The following RYR2 variants were observed in gnomAD, a reference collection of about 807,000 sequenced individuals.
RYR2 encodes cardiac muscle ryanodine receptor-calcium release channel.
In RYR2, 227 loss-of-function variants were observed where a neutral mutation model predicts 601.1. The ratio of observed to expected loss-of-function variants is 0.38; its 90% CI spans 0.34 to 0.42. The LOEUF (loss-of-function observed/expected upper bound fraction) is 0.42. Ranked by LOEUF, RYR2 falls within the 10% of genes least tolerant of loss-of-function variation. RYR2 has a pLI of 1.00. For missense variants in RYR2, 4,646 were observed against 6,156.5 expected, an observed-to-expected ratio of 0.75 and a Z score of 8.21; for synonymous variants, 2,223 against 2,175.1, an observed-to-expected ratio of 1.02 and a Z score of -0.61.
intron 3 of RYR2, among the ~76,000 whole-genome samples, chr1:237,341,219 T>A (rs1697739991): frequency 6.6e-6 from 1 of 152,168 alleles, no homozygotes; most frequent in Non-Finnish European, 1.5e-5. Context: ...ATAGAAAAAA[T>A]TTTCATTTGT....
chr1:237,452,095 G>GTGTGTGTA (rs1658229777), intron 14 of RYR2, among the ~76,000 whole-genome samples: 1 of 147,108 alleles, frequency 6.8e-6, no homozygotes, highest in Non-Finnish European at 1.5e-5. Flanking sequence ...GTGTGTGTGT[G>GTGTGTGTA]TGTGTGTGTG....
At chr1:237,263,713 G>A (rs1021007917) in intron 1 of RYR2, among the ~76,000 whole-genome samples, 2 of 152,088 alleles carry the variant, frequency 1.3e-5, no homozygotes, top group Admixed American at 1.3e-4. Flanking sequence ...CCCTTGCTGG[G>A]ATCAAATTGG....
chr1:237,809,082 T>C (rs1660975241), intron 100 of RYR2, 47 bp downstream of exon 100: 2 of 1,528,946 alleles, frequency 1.3e-6, no homozygotes, highest in African/African-American at 2.7e-5. Flanking sequence ...TGTCTCCTGC[T>C]TCTGCAGTCT....
In RYR2 at chr1:237,485,127, TC is replaced by T. The variant is rs373496193; in HGVS notation, c.1709-6676del. 4.2e-3 allele frequency among the ~76,000 whole-genome samples: 638 copies of T among 152,236 alleles called. 8 individuals carry two copies. The highest frequency in any genetic ancestry group is 0.014 in the African/African-American group (598 of 41,526). On this transcript the variant is annotated intron_variant, in intron 17 of 104. Transcript: ENST00000366574. ...AATCCTAGCACTAAGAAATATAAAT[TC>T]CCTATGTTGTGTCCTCTGTCTTTTC...
intron 2 of RYR2, among the ~76,000 whole-genome samples, chr1:237,291,497 A>T (rs1399666001): frequency 2.0e-5 from 3 of 152,222 alleles, no homozygotes; most frequent in Non-Finnish European, 4.4e-5. Context: ...ATGTTTATAG[A>T]ACCTTGTTTA....
At chr1:237,524,286 G>A (rs1051318886) in intron 24 of RYR2, among the ~76,000 whole-genome samples, 1 of 152,186 alleles carries the variant, frequency 6.6e-6, no homozygotes, top group Non-Finnish European at 1.5e-5. Flanking sequence ...CTTTATGCCA[G>A]GTGGAAGGAG....
intron 51 of RYR2, among the ~76,000 whole-genome samples, chr1:237,653,380 T>C (rs567966453): frequency 2.0e-5 from 3 of 152,342 alleles, no homozygotes; most frequent in African/African-American, 7.2e-5. Flanking sequence ...CCCTTCATTT[T>C]ACACACAGAT....
chr1:237,163,138 C>A (rs190304440), intron 1 of RYR2, among the ~76,000 whole-genome samples: 2 of 152,180 alleles, frequency 1.3e-5, no homozygotes, highest in Non-Finnish European at 2.9e-5. Flanking sequence ...ACAACCACTC[C>A]GGTCAAACCT....
chr1:237,389,961 A>T (rs912046376), intron 10 of RYR2, among the ~76,000 whole-genome samples: 7 of 152,186 alleles, frequency 4.6e-5, no homozygotes, highest in African/African-American at 1.7e-4. Flanking sequence ...AAGGCTGTAA[A>T]GACCTGGAAT....
At chr1:237,110,272 T>C (rs942073529) in intron 1 of RYR2, among the ~76,000 whole-genome samples, 2 of 152,040 alleles carry the variant, frequency 1.3e-5, no homozygotes, top group Non-Finnish European at 2.9e-5. Context: ...TGGGCATTTT[T>C]TTTTTCTTTT....
chr1:237,625,752 T>C lies in RYR2; in HGVS notation c.6114T>C (p.Tyr2038=), dbSNP rs1451202406. 1.2e-6 allele frequency: 2 copies of C among 1,613,776 alleles called. No individual in the cohort carries two copies. The highest frequency in any genetic ancestry group is 2.7e-5 in the African/African-American group (2 of 74,994). The change falls in exon 40 of 105, where the codon TAT becomes TAC. Residue 2038 remains tyrosine, a synonymous_variant. Coordinates refer to ENST00000366574, the MANE Select transcript of RYR2 (RefSeq NM_001035.3). The part of the protein sequence containing the change: ...RLLSLVEKVT[Y]LKKKQAEKPV... ...TATCCCTGGTAGAAAAGGTGACATA[T>C]CTGAAGAAGAAGCAAGCAGAAAAAC...
intron 23 of RYR2, among the ~76,000 whole-genome samples, chr1:237,510,736 T>G (rs1558944229): frequency 6.6e-6 from 1 of 152,238 alleles, no homozygotes; most frequent in Non-Finnish European, 1.5e-5. Context: ...ATCTAGGTGC[T>G]GCCACGGCGT....
intron 79 of RYR2, among the ~76,000 whole-genome samples, chr1:237,736,618 G>C (rs760730667): frequency 6.6e-6 from 1 of 152,156 alleles, no homozygotes; most frequent in Non-Finnish European, 1.5e-5. Context: ...CTAAGTGTTT[G>C]ATGAAGTCTA....
intron 101 of RYR2, among the ~76,000 whole-genome samples, chr1:237,825,399 A>G (rs1258622269): frequency 2.6e-5 from 4 of 152,258 alleles, no homozygotes; most frequent in South Asian, 2.1e-4. Flanking sequence ...AACCTGACAA[A>G]AAGAAGCACT....
At chr1:237,699,832 G>T (rs535145947) in intron 64 of RYR2, among the ~76,000 whole-genome samples, 26 of 152,168 alleles carry the variant, frequency 1.7e-4, no homozygotes, top group Non-Finnish European at 3.4e-4. Context: ...TGTATCATTT[G>T]TTGAGTTGGT....
At chr1:237,162,141 ATCC>A (rs1357374817) in intron 1 of RYR2, among the ~76,000 whole-genome samples, 1 of 152,166 alleles carries the variant, frequency 6.6e-6, no homozygotes, top group Admixed American at 6.5e-5. Flanking sequence ...TATTCTGTTA[ATCC>A]TCTGCATCAT....
chr1:237,064,546 A>G (rs1268001469), intron 1 of RYR2, among the ~76,000 whole-genome samples: 1 of 152,114 alleles, frequency 6.6e-6, no homozygotes, highest in Non-Finnish European at 1.5e-5. Context: ...GTAAGAAAAG[A>G]TATAGAGGTT....
Position 237,079,755 on chromosome 1 carries a change from C to G in RYR2, c.48+37186C>G, listed in dbSNP as rs1466296086. Among the ~76,000 whole-genome samples the G allele has an allele frequency of 2.8e-5, 4 of 143,174 alleles. No homozygotes were observed. The East Asian group carries it at 7.8e-4, about 28-fold the overall frequency. 93.9% of individuals were successfully genotyped at this position (143,174 alleles called of 152,430 possible). A position where few individuals can be genotyped will look rare whatever the true frequency, so the allele number is the denominator to read the frequency against. On this transcript the variant is annotated intron_variant, in intron 1 of 104. Coordinates refer to ENST00000366574, the MANE Select transcript of RYR2 (RefSeq NM_001035.3). ...TCCCCATCAAGCTAGCAATGCCTTT[C>G]TTCACAGAATTGGAAAAAACTACTT...
At chr1:237,212,862 C>T (rs1001553697) in intron 1 of RYR2, among the ~76,000 whole-genome samples, 1 of 151,974 alleles carries the variant, frequency 6.6e-6, no homozygotes, top group Non-Finnish European at 1.5e-5. Flanking sequence ...GCAACCTCCG[C>T]CTCCCAGGTT....
Sources: allele counts gnomAD v4.1 joint callset (sites outside exome capture counted in the v4.1 genomes callset), GRCh38; gene constraint gnomAD v4.1.1; transcripts MANE v1.5; gene names NCBI Gene and HGNC (gene_info 2026-07-23, HGNC 2026-07-21).